CSMD1: variants seen among roughly 807,000 people sequenced by gnomAD.
The protein encoded by CSMD1 is CUB and sushi domain-containing protein 1.
In CSMD1, 213 loss-of-function variants were observed where a neutral mutation model predicts 417.5. The observed-to-expected ratio is 0.51, with a 90% CI of 0.46 to 0.57. CSMD1 has a LOEUF of 0.57. Ranked by LOEUF, CSMD1 falls within the 20% of genes least tolerant of loss-of-function variation. The pLI is 0.00. For synonymous variants in CSMD1, 2,862 were observed against 1,736.8 expected, an observed-to-expected ratio of 1.65 and a Z score of -16.11; for missense variants, 6,923 against 4,529.7, an observed-to-expected ratio of 1.53 and a Z score of -15.17.
intron 4 of CSMD1, among the ~76,000 whole-genome samples, chr8:4,019,701 G>GTTAT (rs1796695362): frequency 6.6e-6 from 1 of 152,102 alleles, no homozygotes; most frequent in South Asian, 2.1e-4. Context: ...TGCTTTGTCA[G>GTTAT]TTATTTACAT....
chr8:3,583,324 G>A (rs150251035), intron 9 of CSMD1, among the ~76,000 whole-genome samples: 1 of 151,922 alleles, frequency 6.6e-6, no homozygotes, highest in Admixed American at 6.6e-5. Flanking sequence ...CCGGGTTGTG[G>A]GTCAGAGCTG....
At chr8:3,526,664 G>C (rs1433119897) in intron 10 of CSMD1, among the ~76,000 whole-genome samples, 2 of 152,062 alleles carry the variant, frequency 1.3e-5, no homozygotes, top group Non-Finnish European at 2.9e-5. Flanking sequence ...TACACTATTT[G>C]CCCGGATGCA....
chr8:4,562,355 C>A (rs968904143), intron 2 of CSMD1, among the ~76,000 whole-genome samples: 3 of 152,092 alleles, frequency 2.0e-5, no homozygotes, highest in African/African-American at 7.2e-5. Flanking sequence ...GAAGAAGTGG[C>A]ACACCAGAGC....
intron 1 of CSMD1, among the ~76,000 whole-genome samples, chr8:4,699,706 A>G (rs1214467211): frequency 6.6e-6 from 1 of 152,172 alleles, no homozygotes; most frequent in African/African-American, 2.4e-5. Flanking sequence ...AAAATCTCCC[A>G]GACAATTTAT....
At chr8:4,390,873 G>A (rs1045904619) in intron 3 of CSMD1, among the ~76,000 whole-genome samples, 2 of 152,066 alleles carry the variant, frequency 1.3e-5, no homozygotes, top group Non-Finnish European at 2.9e-5. Flanking sequence ...TACCTCACAT[G>A]TTTCATATGT....
intron 3 of CSMD1, among the ~76,000 whole-genome samples, chr8:4,043,783 T>C (rs991935963): frequency 6.6e-6 from 1 of 152,198 alleles, no homozygotes; most frequent in African/African-American, 2.4e-5. Context: ...TGGAACGCTT[T>C]ATATATGGTA....
chr8:3,351,400 C>G (rs1333476914), intron 21 of CSMD1, among the ~76,000 whole-genome samples: 1 of 151,670 alleles, frequency 6.6e-6, no homozygotes, highest in Non-Finnish European at 1.5e-5. Context: ...CACCTGAGGT[C>G]AGGAGTTGAA....
At chr8:3,141,988 G>T (rs189341674) in intron 41 of CSMD1, among the ~76,000 whole-genome samples, 1 of 151,944 alleles carries the variant, frequency 6.6e-6, no homozygotes, top group Non-Finnish European at 1.5e-5. Context: ...TAGTAGAGAC[G>T]GGGTTTCACC....
intron 2 of CSMD1, among the ~76,000 whole-genome samples, chr8:4,467,954 T>C (rs1217684): frequency 0.89 from 134,931 of 152,130 alleles, 59,887 homozygotes; most frequent in Middle Eastern, 0.97. Context: ...CAAAGTAATA[T>C]GATGGTTTAC....
intron 3 of CSMD1, among the ~76,000 whole-genome samples, chr8:4,120,773 C>T (rs1218384148): frequency 6.6e-6 from 1 of 152,314 alleles, no homozygotes; most frequent in East Asian, 1.9e-4. Context: ...CTAGTTAAAA[C>T]ATGTCACTTT....
intron 1 of CSMD1, among the ~76,000 whole-genome samples, chr8:4,647,386 G>T (rs1335834614): frequency 1.3e-5 from 2 of 150,964 alleles, no homozygotes; most frequent in African/African-American, 4.9e-5. Context: ...GTACGCGTGT[G>T]CCACGGAGGT....
At chr8:3,806,736 C>G (rs541051692) in intron 5 of CSMD1, among the ~76,000 whole-genome samples, 3 of 152,198 alleles carry the variant, frequency 2.0e-5, no homozygotes, top group African/African-American at 7.2e-5. Context: ...TATGGAAAAA[C>G]AAATTTAACA....
chr8:4,646,393 G>A (rs2725004), intron 1 of CSMD1, among the ~76,000 whole-genome samples: 90,818 of 151,920 alleles, frequency 0.6, 27,464 homozygotes, highest in Admixed American at 0.7. Flanking sequence ...TACGGGTGAA[G>A]CCAGAAGCTC....
intron 2 of CSMD1, among the ~76,000 whole-genome samples, chr8:4,621,353 C>T (rs939237152): frequency 6.6e-6 from 1 of 151,952 alleles, no homozygotes; most frequent in Non-Finnish European, 1.5e-5. Flanking sequence ...GTCATGTTGG[C>T]ACGAAACAAT....
Position 3,108,743 on chromosome 8 carries a change from C to T in CSMD1, c.6614G>A (p.Gly2205Asp), listed in dbSNP as rs1262749352. The T allele has an allele frequency of 6.2e-7, 1 of 1,611,880 alleles. No individual in the cohort carries two copies. The highest frequency in any genetic ancestry group is 1.3e-5 in the African/African-American group (1 of 74,836). Residue 2205 changes from glycine (G) to aspartate (D), a missense_variant, in exon 44 of 70, where the codon GGT (glycine) becomes GAT (aspartate). Transcript: ENST00000635120. Reference protein sequence around the residue: ...AVNDYIAVWDGPDQNSPQLGV... With the variant: ...AVNDYIAVWDDPDQNSPQLGV... ...CAGCTGGGGTGAGTTCTGATCGGGA[C>T]CGTCCCTAGGAAAGACAGAAAGAGG... is the stretch of plus-strand genomic sequence containing the variant.
chr8:3,624,513 T>C (rs553471233), intron 7 of CSMD1, among the ~76,000 whole-genome samples: 1 of 152,350 alleles, frequency 6.6e-6, no homozygotes, highest in Non-Finnish European at 1.5e-5. Flanking sequence ...TTGGTACTTG[T>C]TTCTTCAAAG....
chr8:4,582,906 T>TG (rs1344682551), intron 2 of CSMD1, among the ~76,000 whole-genome samples: 1 of 152,182 alleles, frequency 6.6e-6, no homozygotes, highest in Non-Finnish European at 1.5e-5. Context: ...TGGGCTTGGC[T>TG]GGCCCCACAC....
At chr8:3,732,256 C>T (rs576233882) in intron 6 of CSMD1, among the ~76,000 whole-genome samples, 5 of 152,142 alleles carry the variant, frequency 3.3e-5, no homozygotes, top group Non-Finnish European at 7.3e-5. Flanking sequence ...GGCAATTACT[C>T]GATACAAAGC....
chr8:3,106,351 T>C (rs933085213), intron 46 of CSMD1, among the ~76,000 whole-genome samples, 177 bp downstream of exon 46: 4 of 152,068 alleles, frequency 2.6e-5, no homozygotes, highest in Non-Finnish European at 4.4e-5. Flanking sequence ...TGAGCCATGA[T>C]TGCACCACTG....
Sources: allele counts gnomAD v4.1 joint callset (sites outside exome capture counted in the v4.1 genomes callset), GRCh38; gene constraint gnomAD v4.1.1; transcripts MANE v1.5; gene names NCBI Gene and HGNC (gene_info 2026-07-23, HGNC 2026-07-21).